The following COBL variants were observed in gnomAD, a reference collection of about 807,000 sequenced individuals.
COBL encodes protein cordon-bleu.
In COBL, 51 loss-of-function variants were observed where a neutral mutation model predicts 98.8. The ratio of observed to expected loss-of-function variants is 0.52; its 90% CI spans 0.41 to 0.65. The LOEUF (loss-of-function observed/expected upper bound fraction) is 0.65, where lower values mean the gene tolerates loss of function less well. COBL is among the 30% of genes least tolerant of loss of function. The pLI is 0.00. For missense variants in COBL, 1,617 were observed against 1,617.5 expected (o/e 1.00, Z 0.01); for synonymous variants, 634 against 651.7 (o/e 0.97, Z 0.41).
intron 6 of COBL, among the ~76,000 whole-genome samples, chr7:51,090,278 T>C (rs1040129644): frequency 4.4e-4 from 67 of 152,178 alleles, no homozygotes; most frequent in African/African-American, 1.5e-3. Context: ...CAGAAGCTTT[T>C]ATGAGAACTC....
chr7:51,045,807 A>C (rs931435290), intron 7 of COBL, among the ~76,000 whole-genome samples: 1 of 152,182 alleles, frequency 6.6e-6, no homozygotes, highest in Non-Finnish European at 1.5e-5. Context: ...TGAGGCAATA[A>C]AAAAAAGTTG....
At chr7:51,139,707 T>C (rs963577214) in intron 5 of COBL, among the ~76,000 whole-genome samples, 1 of 152,250 alleles carries the variant, frequency 6.6e-6, no homozygotes, top group Non-Finnish European at 1.5e-5. Context: ...CTTCTTTCCC[T>C]ACTTTTGGAA....
At chr7:51,202,568 G>T (rs116394108) in intron 2 of COBL, among the ~76,000 whole-genome samples, 1 of 152,100 alleles carries the variant, frequency 6.6e-6, no homozygotes, top group Non-Finnish European at 1.5e-5. Context: ...GGAGGACTAC[G>T]GTACATGGAA....
intron 12 of COBL, chr7:51,021,419 C>T (rs1786922580): frequency 1.3e-5 from 2 of 152,206 alleles, no homozygotes; most frequent in Admixed American, 1.3e-4. Context: ...CAGCCTTGAA[C>T]TCCTGAGCTC....
chr7:51,094,229 A>G (rs193220868), intron 6 of COBL, among the ~76,000 whole-genome samples: 1 of 152,108 alleles, frequency 6.6e-6, no homozygotes, highest in African/African-American at 2.4e-5. Context: ...TGAGGAGTAG[A>G]GGAGAGAGAG....
At chr7:51,065,151 T>G (rs201985786) in intron 7 of COBL, 1 of 701,196 alleles carries the variant, frequency 1.4e-6, no homozygotes, top group Non-Finnish European at 2.6e-6. Context: ...TGATTAGGGA[T>G]TGTCTCCCAA....
rs951158736 is a variant in COBL at position 51,073,908 on chromosome 7, G to A, written c.1096+11258C>T. Among the ~76,000 whole-genome samples the A allele has an allele frequency of 1.1e-4, 17 of 152,220 alleles. No individual in the cohort carries two copies. The East Asian group carries it at 3.3e-3, about 29-fold the overall frequency. ...AGAATACTGGTTGATTTACTGAGTT[G>A]GAGATGGATATCAACTCCAAGTACC... On this transcript the variant is annotated intron_variant, in intron 7 of 12. Transcript: ENST00000265136.
chr7:51,232,370 G>C (rs1402605703), intron 1 of COBL, among the ~76,000 whole-genome samples: 1 of 152,112 alleles, frequency 6.6e-6, no homozygotes, highest in African/African-American at 2.4e-5. Flanking sequence ...AGAGTTGAGA[G>C]TTCCCACAAC....
intron 6 of COBL, among the ~76,000 whole-genome samples, chr7:51,126,808 C>A (rs148443973): frequency 5.3e-5 from 8 of 152,264 alleles, no homozygotes; most frequent in Admixed American, 1.3e-4. Context: ...CCAAACCCTG[C>A]AGCTGTAGCA....
At chr7:51,112,838 T>C (rs890141707) in intron 6 of COBL, among the ~76,000 whole-genome samples, 2 of 152,190 alleles carry the variant, frequency 1.3e-5, no homozygotes, top group African/African-American at 4.8e-5. Context: ...GTTTTGAACA[T>C]AATAATTGTG....
chr7:51,083,857 T>C (rs1309044786), intron 7 of COBL, among the ~76,000 whole-genome samples: 1 of 152,182 alleles, frequency 6.6e-6, no homozygotes, highest in Non-Finnish European at 1.5e-5. Context: ...CAGGGGGTCC[T>C]GCCCTGGGTT....
intron 4 of COBL, chr7:51,187,787 G>A (rs771350150): frequency 1.1e-5 from 8 of 705,992 alleles, no homozygotes; most frequent in Non-Finnish European, 1.6e-5. Context: ...ACCTTCAGGA[G>A]GGCCCCAAGC....
chr7:51,035,896 T>C (rs1788584384), intron 8 of COBL: 1 of 152,220 alleles, frequency 6.6e-6, no homozygotes, highest in Non-Finnish European at 1.5e-5. Context: ...TTCAGAGTTC[T>C]AGAAGCGGTC....
intron 8 of COBL, among the ~76,000 whole-genome samples, chr7:51,040,188 C>G (rs1219249573): frequency 7.7e-6 from 1 of 130,260 alleles, no homozygotes; most frequent in African/African-American, 3.2e-5. Context: ...GAGATAATTT[C>G]TGTTAAAAAA....
chr7:51,272,300 C>T lies in COBL; in HGVS notation c.41+44293G>A, dbSNP rs866744468. On this transcript the variant is annotated intron_variant, in intron 1 of 12. Transcript: ENST00000265136. ...TTTTCCAGTAGGCTAGATTTTATCC[C>T]CATTTTGCAGATTATAACATTGAGC... 4.6e-5 allele frequency among the ~76,000 whole-genome samples: 7 copies of T among 152,188 alleles called. No individual in the cohort carries two copies. In the Middle Eastern group the frequency reaches 0.01, roughly 222 times the overall value.
chr7:51,076,709 T>TG (rs111775697), intron 7 of COBL, among the ~76,000 whole-genome samples: 2,054 of 151,820 alleles, frequency 0.014, 50 homozygotes, highest in African/African-American at 0.046. Flanking sequence ...TATCCCTTGT[T>TG]GGGGGGGGTT....
intron 8 of COBL, chr7:51,034,384 G>A (rs1261124272): frequency 1.3e-5 from 2 of 152,290 alleles, no homozygotes; most frequent in Admixed American, 6.5e-5. Flanking sequence ...TGGCATCTCT[G>A]AGAGAGGAAA....
intron 4 of COBL, among the ~76,000 whole-genome samples, chr7:51,185,488 G>A (rs184002444): frequency 3.3e-5 from 5 of 152,244 alleles, no homozygotes; most frequent in South Asian, 4.2e-4. Context: ...GCACGCAGAC[G>A]GCACTCACAC....
At chr7:51,221,278 C>A (rs77489407) in intron 1 of COBL, among the ~76,000 whole-genome samples, 7,439 of 152,220 alleles carry the variant, frequency 0.049, 273 homozygotes, top group Middle Eastern at 0.13. Context: ...CTTCCAAAGG[C>A]ATTTGGCATG....
Sources: allele counts gnomAD v4.1 joint callset (sites outside exome capture counted in the v4.1 genomes callset), GRCh38; gene constraint gnomAD v4.1.1; transcripts MANE v1.5; gene names NCBI Gene and HGNC (gene_info 2026-07-23, HGNC 2026-07-21).